ZNF790: variants seen among roughly 807,000 people sequenced by gnomAD.
ZNF790 encodes the protein zinc finger protein 790.
In ZNF790, 8 loss-of-function variants were observed where a neutral mutation model predicts 12.1. The observed-to-expected ratio is 0.66, with a 90% CI of 0.39 to 1.19. The LOEUF is 1.19. ZNF790 is among the 50% of genes most tolerant of loss of function. ZNF790 has a pLI of 0.01. For missense variants in ZNF790, 707 were observed against 752.2 expected (o/e 0.94, Z 0.70); for synonymous variants, 252 against 244.3 (o/e 1.03, Z -0.29).
intron 1 of ZNF790, among the ~76,000 whole-genome samples, chr19:36,826,807 C>T (rs193045267): frequency 6.6e-6 from 1 of 150,542 alleles, no homozygotes; most frequent in Non-Finnish European, 1.5e-5. Context: ...AAGGAGCCAA[C>T]TAGTTCTAAG....
intron 1 of ZNF790, among the ~76,000 whole-genome samples, chr19:36,848,263 G>T (rs1264857585): frequency 6.6e-6 from 1 of 152,202 alleles, no homozygotes; most frequent in Non-Finnish European, 1.5e-5. Context: ...ATGTTGGAAA[G>T]TTCTGCCCTA....
Position 36,819,462 on chromosome 19 carries a change from G to A in ZNF790, c.882C>T (p.Gly294=). ...CKECGKAFSC[G]SDLTRHQRIH... ...TTCTCTGATGTCGAGTAAGATCTGA[G>A]CCACAACTAAAGGCCTTCCCACATT... Residue 294 remains glycine (G), a synonymous_variant, in exon 5 of 5, where the codon GGC becomes GGT. Coordinates refer to ENST00000356725, the MANE Select transcript of ZNF790 (RefSeq NM_206894.4). The A allele has an allele frequency of 1.2e-6, 2 of 1,609,754 alleles. No homozygotes were observed. The highest frequency in any genetic ancestry group is 4.5e-5 in the East Asian group (2 of 44,748).
At chr19:36,825,725 C>G in intron 1 of ZNF790, 33 bp from the exon 2 acceptor site, 1 of 1,245,632 alleles carries the variant, frequency 8.0e-7, no homozygotes, top group Non-Finnish European at 1.2e-6. Flanking sequence ...TCAGGCCTTT[C>G]TCAGAGCTCT....
chr19:36,844,440 G>A (rs908422645), intron 1 of ZNF790, among the ~76,000 whole-genome samples: 1 of 151,736 alleles, frequency 6.6e-6, no homozygotes, highest in African/African-American at 2.4e-5. Context: ...AGTAGGCAAG[G>A]ACTTTTTAAA....
At chr19:36,838,410 AG>A (rs1436906014), upstream of ZNF790, 1 of 152,292 alleles carries the variant, frequency 6.6e-6, no homozygotes, top group African/African-American at 2.4e-5. The surrounding 1 kb of genome is among the most constrained non-coding windows in gnomAD (Gnocchi z 4.4). Flanking sequence ...GAGGGCTGAC[AG>A]GAAGTTGCCC....
At chr19:36,828,298 A>C (rs1037216164) in intron 1 of ZNF790, among the ~76,000 whole-genome samples, 1 of 151,974 alleles carries the variant, frequency 6.6e-6, no homozygotes, top group African/African-American at 2.4e-5. Context: ...ACCTCGTCTT[A>C]ATTAAAAATA....
intron 1 of ZNF790, among the ~76,000 whole-genome samples, chr19:36,848,757 G>A (rs1426061328): frequency 6.6e-6 from 1 of 151,144 alleles, no homozygotes; most frequent in Non-Finnish European, 1.5e-5. Context: ...GGGGTTGGGG[G>A]GGTGGTGGCT....
chr19:36,832,198 A>G (rs1444595093), intron 1 of ZNF790, among the ~76,000 whole-genome samples: 3 of 152,224 alleles, frequency 2.0e-5, no homozygotes, highest in African/African-American at 4.8e-5. Flanking sequence ...CAATAGTGAA[A>G]GTTTCAGCAA....
intron 1 of ZNF790, among the ~76,000 whole-genome samples, chr19:36,834,828 G>A (rs1261640060): frequency 6.6e-6 from 1 of 152,070 alleles, no homozygotes; most frequent in Non-Finnish European, 1.5e-5. Context: ...AAAAGACTAG[G>A]AAGAAATACA....
In ZNF790 at chr19:36,823,317, A is replaced by G. The variant is rs1230104563; in HGVS notation, c.197T>C (p.Ile66Thr). 6.2e-7 allele frequency: 1 copy of G among 1,613,860 alleles called. No individual in the cohort carries two copies. Residue 66 changes from isoleucine to threonine, a missense_variant, in exon 4 of 5, where the codon ATT becomes ACT. By Grantham distance (89) the Ile-to-Thr change is moderately conservative. Transcript: ENST00000356725. ...AGGTCCTCTTGTCTCATCCCTCAAA[A>G]TCTTCCAGGGCTCTTTCCCTTTCTC... ...LLEKGKEPWK[I>T]LRDETRGPCP...
chr19:36,819,733 C>T lies in ZNF790; in HGVS notation c.611G>A (p.Gly204Glu), dbSNP rs1193040101. The T allele has an allele frequency of 1.9e-6, 3 of 1,613,614 alleles. No individual in the cohort carries two copies. The highest frequency in any genetic ancestry group is 4.5e-5 in the East Asian group (2 of 44,860). ...TTCTGAATCAGGAAGAAAGGTATTC[C>T]CACATTCTTTATCTCCACAGAATTT... Reference protein sequence around the residue: ...SEKFCGDKECGNTFLPDSEVI... With the variant: ...SEKFCGDKECENTFLPDSEVI... Residue 204 changes from glycine (G) to glutamate (E), a missense_variant, in exon 5 of 5, where the codon GGG becomes GAG. Transcript: ENST00000356725.
chr19:36,844,043 G>A (rs1272980609), intron 1 of ZNF790, among the ~76,000 whole-genome samples: 3 of 146,736 alleles, frequency 2.0e-5, no homozygotes, highest in Non-Finnish European at 4.5e-5. Flanking sequence ...AAAAAAGGCC[G>A]GGCAGGGTGA....
chr19:36,818,996 A>G lies in ZNF790; in HGVS notation c.1348T>C (p.Tyr450His). The G allele has an allele frequency of 6.2e-7, 1 of 1,614,002 alleles. No homozygotes were observed. Among genetic ancestry groups the G allele is most frequent in the South Asian group, 1.1e-5 (1 of 91,064 alleles). Residue 450 changes from tyrosine to histidine, a missense_variant, in exon 5 of 5, where the codon TAT becomes CAT. Transcript: ENST00000356725. The stretch of plus-strand genomic sequence containing the variant: ...GTCTTTCCACATTCCTTACATTCAT[A>G]GGATTTCCTCTCATTGTGAATTTTC... Reference protein sequence around the residue: ...HEKIHNERKSYECKECGKTFL... With the variant: ...HEKIHNERKSHECKECGKTFL...
intron 1 of ZNF790, among the ~76,000 whole-genome samples, chr19:36,845,892 T>G (rs1209416760): frequency 1.3e-5 from 2 of 151,860 alleles, no homozygotes; most frequent in East Asian, 3.9e-4. Flanking sequence ...CACTGCAACC[T>G]CTGCCTCCCG....
intron 1 of ZNF790, among the ~76,000 whole-genome samples, chr19:36,837,368 C>T (rs542866925): frequency 6.6e-6 from 1 of 152,280 alleles, no homozygotes; most frequent in African/African-American, 2.4e-5. Context: ...TCAACATTTC[C>T]CCAGCTACAG....
upstream of ZNF790, among the ~76,000 whole-genome samples, chr19:36,842,424 A>G (rs930514692): frequency 6.6e-6 from 1 of 152,206 alleles, no homozygotes. Flanking sequence ...ATACATTTCA[A>G]TAAAAGTGAA....
chr19:36,822,300 G>A (rs2071691391), intron 4 of ZNF790, among the ~76,000 whole-genome samples: 1 of 151,948 alleles, frequency 6.6e-6, no homozygotes, highest in Non-Finnish European at 1.5e-5. Context: ...ACTGAATGAA[G>A]AATTTTACGA....
In ZNF790 at chr19:36,817,828, GGTTTTT is replaced by G. The variant is rs2071580472; in HGVS notation, c.*599_*604del. On this transcript the variant is annotated 3_prime_UTR_variant, in exon 5 of 5. Coordinates refer to ENST00000356725, the MANE Select transcript of ZNF790 (RefSeq NM_206894.4). ...AATGAATTATATATAAATTCTTGTG[GGTTTTT>G]GTTTTTGAGATGGAGTCTTGTTCTA... is the stretch of plus-strand genomic sequence containing the variant. 1 of 151,966 alleles carries G rather than the reference GGTTTTT, an allele frequency of 6.6e-6. No individual in the cohort carries two copies. The allele number at this position is 151,966 out of a possible 1,614,324, so 9.4% of individuals were successfully genotyped here. A position where few individuals can be genotyped will look rare whatever the true frequency, so the allele number is the denominator to read the frequency against.
intron 1 of ZNF790, chr19:36,828,044 CT>C (rs1600659314): frequency 6.6e-6 from 1 of 152,116 alleles, no homozygotes; most frequent in Admixed American, 6.5e-5. Context: ...ACTTTAAGCA[CT>C]TTTCCAAGAA....
Sources: gnomAD v4.1 joint callset for allele counts (sites outside exome capture counted in the v4.1 genomes callset) on GRCh38, gnomAD v4.1.1 for gene constraint, Gnocchi (gnomAD v3.1) non-coding constraint, MANE v1.5 for transcripts, NCBI Gene and HGNC (gene_info 2026-07-23, HGNC 2026-07-21) for gene names.